CHRDL1: variants seen among roughly 807,000 people sequenced by gnomAD.
CHRDL1 encodes chordin like 1, also known as chordin-like protein 1.
In CHRDL1, 19 loss-of-function variants were observed where a neutral mutation model predicts 40.9. The observed-to-expected ratio is 0.46, with a 90% CI of 0.32 to 0.68. The LOEUF (loss-of-function observed/expected upper bound fraction) is 0.68, where lower values mean the gene tolerates loss of function less well. Ranked by LOEUF, CHRDL1 falls within the 30% of genes least tolerant of loss-of-function variation. The probability of loss-of-function intolerance (pLI) is 0.03; values close to 1 mark genes in which losing one functional copy is unlikely to be tolerated. For missense variants in CHRDL1, 329 were observed against 352.1 expected (o/e 0.93, Z 0.53); for synonymous variants, 136 against 123.4 (o/e 1.10, Z -0.68).
intron 6 of CHRDL1, 99 bp from the exon 7 acceptor site, chrX:110,700,820 A>G: frequency 1.9e-6 from 1 of 540,376 alleles, no homozygotes; most frequent in Non-Finnish European, 3.0e-6. Flanking sequence ...ATGATCCCAA[A>G]GTTCTTGAAG....
intron 4 of CHRDL1, among the ~76,000 whole-genome samples, chrX:110,742,341 G>A: frequency 1.8e-5 from 2 of 112,206 alleles, no homozygotes; most frequent in Non-Finnish European, 3.8e-5. Flanking sequence ...TGTTGCACAG[G>A]CTTCTCTAAT....
In CHRDL1 at chrX:110,676,154, C is replaced by G; in HGVS notation, c.*77G>C. On this transcript the variant is annotated 3_prime_UTR_variant, in exon 12 of 12. Transcript: ENST00000372042. ...GTTTGGAGTTTTAGGGCACTGTTGA[C>G]TTAAGCAAAATAAGCCTGCAGTCCA... 1 of 1,065,869 alleles carries G rather than the reference C, an allele frequency of 9.4e-7. No individual in the cohort carries two copies. The highest frequency in any genetic ancestry group is 1.3e-6 in the Non-Finnish European group (1 of 787,310). 87.8% of individuals were successfully genotyped at this position (1,065,869 alleles called of 1,213,427 possible).
chrX:110,704,937 G>A (rs1016491933), intron 6 of CHRDL1, among the ~76,000 whole-genome samples: 1 of 111,309 alleles, frequency 9.0e-6, no homozygotes, highest in Non-Finnish European at 1.9e-5. Context: ...TAGATTTAAT[G>A]ATTGGTATTG....
intron 9 of CHRDL1, among the ~76,000 whole-genome samples, chrX:110,684,148 T>C (rs149555210): frequency 3.6e-5 from 4 of 111,897 alleles, no homozygotes; most frequent in African/African-American, 1.3e-4. Context: ...TAGGTGGCCA[T>C]TGATATGCAA....
Position 110,792,227 on chromosome X carries a change from A to C in CHRDL1, c.-34-12T>G, listed in dbSNP as rs2090114044. On this transcript the variant is annotated splice_polypyrimidine_tract_variant and intron_variant, in intron 1 of 11. Coordinates refer to ENST00000372042, the MANE Select transcript of CHRDL1 (RefSeq NM_001143981.2). ...ACAGAACCTTCAAGCTGTTGGGAAG[A>C]AAGCAGAAAAAAGACTTAACACAGA... 1 of 747,500 alleles carries C rather than the reference A, an allele frequency of 1.3e-6. No homozygotes were observed. The highest frequency in any genetic ancestry group is 2.0e-6 in the Non-Finnish European group (1 of 491,253). The allele number at this position is 747,500 out of a possible 1,213,427, so 61.6% of individuals were successfully genotyped here.
At chrX:110,714,004 C>A (rs2070792117) in intron 6 of CHRDL1, among the ~76,000 whole-genome samples, 1 of 110,046 alleles carries the variant, frequency 9.1e-6, no homozygotes, top group African/African-American at 3.3e-5. Flanking sequence ...TTGAAGCCTG[C>A]CTTCCCAGAA....
At chrX:110,747,823 A>C (rs2089286720) in intron 4 of CHRDL1, among the ~76,000 whole-genome samples, 1 of 112,090 alleles carries the variant, frequency 8.9e-6, no homozygotes, top group Non-Finnish European at 1.9e-5. Flanking sequence ...TAGTTTTATC[A>C]CATTTATGCA....
intron 2 of CHRDL1, among the ~76,000 whole-genome samples, chrX:110,779,102 A>T (rs1023127749): frequency 9.0e-6 from 1 of 111,332 alleles, no homozygotes; most frequent in Non-Finnish European, 1.9e-5. Context: ...TACTCGAGGC[A>T]TGAAGGTGGG....
intron 6 of CHRDL1, among the ~76,000 whole-genome samples, chrX:110,706,905 G>A (rs1308283860): frequency 8.9e-6 from 1 of 112,256 alleles, no homozygotes; most frequent in Non-Finnish European, 1.9e-5. Flanking sequence ...CTGAGACAGG[G>A]GAAATGTTCT....
rs1172760631 is a variant in CHRDL1, at chrX:110,733,931, CAAAAAAAAAA to C, written c.302-12411_302-12402del. Among the ~76,000 whole-genome samples, 13 of 12,126 alleles carry C rather than the reference CAAAAAAAAAA, an allele frequency of 1.1e-3. No individual in the cohort carries two copies. The South Asian group carries it at 0.058, about 54-fold the overall frequency. The allele number at this position is 12,126 out of a possible 115,157, so 10.5% of individuals were successfully genotyped here. A position where few individuals can be genotyped will look rare whatever the true frequency, so the allele number is the denominator to read the frequency against. ...GGGCAACAAGAGCAAAACTCTGTCTCAAAAAAAAAAAAAAAAAAAAAAAAAAGGAACAGAG... is the reference window on the plus strand; with the variant it reads ...GGGCAACAAGAGCAAAACTCTGTCTCAAAAAAAAAAAAAAAAGGAACAGAG... On this transcript the variant is annotated intron_variant, in intron 4 of 11. Transcript: ENST00000372042.
At chrX:110,752,426 C>G (rs2148498975) in intron 4 of CHRDL1, among the ~76,000 whole-genome samples, 1 of 111,430 alleles carries the variant, frequency 9.0e-6, no homozygotes, top group South Asian at 3.8e-4. Context: ...GTCCAAGGAC[C>G]AACAGTATGA....
At chrX:110,787,276 A>G (rs1184456201) in intron 2 of CHRDL1, among the ~76,000 whole-genome samples, 1 of 111,181 alleles carries the variant, frequency 9.0e-6, no homozygotes, top group Non-Finnish European at 1.9e-5. Context: ...CTGTACTGAT[A>G]AGAAAACGAA....
intron 4 of CHRDL1, among the ~76,000 whole-genome samples, chrX:110,750,818 G>A (rs1390493528): frequency 8.9e-6 from 1 of 111,924 alleles, no homozygotes; most frequent in African/African-American, 3.3e-5. Flanking sequence ...AGAGGGGCAG[G>A]CCAGATGGCA....
chrX:110,710,624 G>T (rs2070730844), intron 6 of CHRDL1, among the ~76,000 whole-genome samples: 1 of 111,261 alleles, frequency 9.0e-6, no homozygotes. Flanking sequence ...AACATGCCAA[G>T]AAGGAACATG....
intron 6 of CHRDL1, among the ~76,000 whole-genome samples, chrX:110,710,295 C>A (rs2070724753): frequency 8.9e-6 from 1 of 111,883 alleles, no homozygotes; most frequent in South Asian, 3.8e-4. Flanking sequence ...TGTTTCTGGG[C>A]AGCTATGGAA....
At chrX:110,706,720 C>T (rs1603167999) in intron 6 of CHRDL1, among the ~76,000 whole-genome samples, 2 of 112,091 alleles carry the variant, frequency 1.8e-5, no homozygotes, top group African/African-American at 6.5e-5. Context: ...AACCATACAT[C>T]ATAAATAGGG....
intron 4 of CHRDL1, among the ~76,000 whole-genome samples, chrX:110,732,001 C>CAAAA (rs748997133): frequency 8.1e-4 from 75 of 92,501 alleles, no homozygotes; most frequent in South Asian, 6.4e-3. Context: ...AAAGCGTTAC[C>CAAAA]AAAAAAAAAA....
intron 9 of CHRDL1, among the ~76,000 whole-genome samples, chrX:110,684,523 G>T: frequency 9.0e-6 from 1 of 111,723 alleles, no homozygotes; most frequent in South Asian, 3.8e-4. Context: ...AGTGCTTCCT[G>T]CCCCATTCAC....
At chrX:110,690,041 A>G (rs2070237078) in intron 8 of CHRDL1, among the ~76,000 whole-genome samples, 2 of 63,324 alleles carry the variant, frequency 3.2e-5, no homozygotes, top group East Asian at 3.1e-4. Flanking sequence ...ATATATATCT[A>G]TATATATATA....
Sources: allele counts gnomAD v4.1 joint callset (sites outside exome capture counted in the v4.1 genomes callset), GRCh38; gene constraint gnomAD v4.1.1; transcripts MANE v1.5; gene names NCBI Gene and HGNC (gene_info 2026-07-23, HGNC 2026-07-21).